The following LEKR1 variants were observed in gnomAD, a reference collection of about 807,000 sequenced individuals.
LEKR1 encodes leucine, glutamate and lysine rich 1, also known as protein LEKR1.
Under a neutral mutation model 72.4 loss-of-function variants are expected in LEKR1, and 59 were observed. That is an observed-to-expected ratio of 0.82 (90% CI 0.66 to 1.01). The LOEUF is 1.01. Among genes scored for constraint, LEKR1 ranks in the 50% least tolerant of loss-of-function variants. The pLI is 0.00. For synonymous variants in LEKR1, 257 were observed against 263.2 expected (o/e 0.98, Z 0.23); for missense variants, 728 against 759.2 (o/e 0.96, Z 0.48).
intron 6 of LEKR1, among the ~76,000 whole-genome samples, chr3:156,969,924 A>G (rs1372657681): frequency 1.3e-5 from 2 of 152,228 alleles, no homozygotes; most frequent in African/African-American, 4.8e-5. Flanking sequence ...CATATCCACC[A>G]TGATCAAGTG....
rs368514037 is a variant in LEKR1 at position 156,986,592 on chromosome 3, T to C, written c.828-6061T>C. Among the ~76,000 whole-genome samples the C allele has an allele frequency of 1.6e-4, 24 of 152,172 alleles. No homozygotes were observed. In the South Asian group the frequency reaches 3.9e-3, roughly 25 times the overall value. On this transcript the variant is annotated intron_variant, in intron 7 of 12. Coordinates refer to ENST00000356539, the MANE Select transcript of LEKR1 (RefSeq NM_001004316.3). ...ATCCTTTTTGCATCAGGGTAGACAG[T>C]TGAGAGGCAGCAAAGTGCAGTGACT...
At chr3:156,884,558 A>G (rs558652054) in intron 3 of LEKR1, among the ~76,000 whole-genome samples, 2 of 152,292 alleles carry the variant, frequency 1.3e-5, no homozygotes, top group Admixed American at 6.5e-5. Flanking sequence ...TCCTGACACA[A>G]AGTTCTTGGC....
intron 3 of LEKR1, among the ~76,000 whole-genome samples, chr3:156,854,204 C>T (rs1054582206): frequency 7.1e-5 from 9 of 126,690 alleles, no homozygotes; most frequent in African/African-American, 3.1e-5. Context: ...AGTGCAGTGT[C>T]GTGATCTCAG....
At chr3:157,011,307 A>G (rs1732865311) in intron 9 of LEKR1, 106 bp from the exon 10 acceptor site, 3 of 741,634 alleles carry the variant, frequency 4.0e-6, no homozygotes, top group South Asian at 3.2e-5. Flanking sequence ...GCTGAAGAAA[A>G]TAAACAGACT....
At chr3:156,880,254 C>T (rs1449973391) in intron 3 of LEKR1, among the ~76,000 whole-genome samples, 1 of 152,236 alleles carries the variant, frequency 6.6e-6, no homozygotes, top group Non-Finnish European at 1.5e-5. Context: ...TCAGCATGAT[C>T]TGGATGTGAG....
intron 12 of LEKR1, among the ~76,000 whole-genome samples, chr3:157,041,480 T>C (rs1735336304): frequency 6.6e-6 from 1 of 152,126 alleles, no homozygotes; most frequent in South Asian, 2.1e-4. Flanking sequence ...AGCACACTAA[T>C]AAATTTTCTC....
intron 6 of LEKR1, among the ~76,000 whole-genome samples, chr3:156,960,404 G>A (rs1728012030): frequency 6.6e-6 from 1 of 152,116 alleles, no homozygotes; most frequent in South Asian, 2.1e-4. Flanking sequence ...TCGTGCCTCA[G>A]CCTCTGGAGT....
At chr3:156,970,208 G>A (rs1353024448) in intron 6 of LEKR1, among the ~76,000 whole-genome samples, 2 of 152,148 alleles carry the variant, frequency 1.3e-5, no homozygotes, top group African/African-American at 4.8e-5. Flanking sequence ...TTGAAAACTG[G>A]CACAAGACAG....
At chr3:157,009,590 TTTAA>T (rs1482405467) in intron 9 of LEKR1, among the ~76,000 whole-genome samples, 1 of 152,136 alleles carries the variant, frequency 6.6e-6, no homozygotes, top group East Asian at 1.9e-4. Context: ...CTCCTTTATC[TTTAA>T]TTAACTATTT....
At chr3:156,884,630 T>C (rs781216940) in intron 3 of LEKR1, among the ~76,000 whole-genome samples, 3 of 152,156 alleles carry the variant, frequency 2.0e-5, no homozygotes, top group Non-Finnish European at 4.4e-5. Context: ...GCTTGTAAGG[T>C]TTCTGCTTAG....
intron 5 of LEKR1, among the ~76,000 whole-genome samples, chr3:156,939,479 A>G (rs773730985): frequency 6.6e-6 from 1 of 152,248 alleles, no homozygotes; most frequent in Non-Finnish European, 1.5e-5. Context: ...AAATTAATAA[A>G]TGTAGTAAAC....
chr3:156,834,990 C>A (rs1446565449), intron 2 of LEKR1, among the ~76,000 whole-genome samples: 1 of 152,216 alleles, frequency 6.6e-6, no homozygotes, highest in Admixed American at 6.5e-5. Context: ...AATTAGAGTT[C>A]TTTATGTAAA....
In LEKR1 at chr3:157,028,073, C is replaced by T. The variant is rs756076039; in HGVS notation, c.1369-30C>T. On this transcript the variant is annotated intron_variant, in intron 11 of 12. Transcript: ENST00000356539. Reference sequence around the variant, plus strand: ...TCTGTGGTTACCTAGAAACTATCGCCTACAAGCTAATATGAGATTTATCTT... The same window carrying T: ...TCTGTGGTTACCTAGAAACTATCGCTTACAAGCTAATATGAGATTTATCTT... 10 of 1,443,716 alleles carry T rather than the reference C, an allele frequency of 6.9e-6. No homozygotes were observed. The African/African-American group carries it at 7.1e-5, about 10-fold the overall frequency. 89.4% of individuals were successfully genotyped at this position (1,443,716 alleles called of 1,614,324 possible). A position where few individuals can be genotyped will look rare whatever the true frequency, so the allele number is the denominator to read the frequency against.
chr3:157,030,393 G>A (rs1173026022), intron 12 of LEKR1, among the ~76,000 whole-genome samples: 1 of 152,112 alleles, frequency 6.6e-6, no homozygotes, highest in Non-Finnish European at 1.5e-5. Flanking sequence ...TGTTAGATAG[G>A]TACTGGTGAT....
intron 6 of LEKR1, among the ~76,000 whole-genome samples, chr3:156,950,589 GAA>G (rs1488986734): frequency 3.3e-5 from 5 of 149,988 alleles, no homozygotes; most frequent in Non-Finnish European, 7.5e-5. Context: ...TTATTCCTAG[GAA>G]TTTTGTGTGT....
chr3:157,044,001 A>T (rs150723633), intron 12 of LEKR1, among the ~76,000 whole-genome samples: 1 of 152,318 alleles, frequency 6.6e-6, no homozygotes, highest in African/African-American at 2.4e-5. Context: ...CCAAATTTGG[A>T]ATTGAATAGA....
At chr3:156,967,573 G>C (rs1483460001) in intron 6 of LEKR1, among the ~76,000 whole-genome samples, 5 of 152,080 alleles carry the variant, frequency 3.3e-5, no homozygotes, top group African/African-American at 9.7e-5. Flanking sequence ...GAAGTTTAGA[G>C]AAAAAAGAAT....
chr3:156,828,345 G>T (rs1351172373), intron 1 of LEKR1, among the ~76,000 whole-genome samples: 2 of 152,172 alleles, frequency 1.3e-5, no homozygotes, highest in African/African-American at 2.4e-5. Context: ...TGCTTCTCCA[G>T]TCTCTTGTCA....
chr3:156,887,058 CTT>C (rs1214319593), intron 3 of LEKR1, among the ~76,000 whole-genome samples: 1 of 152,174 alleles, frequency 6.6e-6, no homozygotes, highest in African/African-American at 2.4e-5. Flanking sequence ...TCAATATTCT[CTT>C]ATAGTACATG....
Sources: gnomAD v4.1 joint callset for allele counts (sites outside exome capture counted in the v4.1 genomes callset) on GRCh38, gnomAD v4.1.1 for gene constraint, MANE v1.5 for transcripts, NCBI Gene and HGNC (gene_info 2026-07-23, HGNC 2026-07-21) for gene names.